Variants in LRRFIP1 observed in about 807,000 individuals in gnomAD.
LRRFIP1 encodes LRR binding FLII interacting protein 1, also known as leucine-rich repeat flightless-interacting protein 1.
In LRRFIP1, 62 loss-of-function variants were observed where a neutral mutation model predicts 104.4. That is an observed-to-expected ratio of 0.59 (90% CI 0.48 to 0.73). The LOEUF is 0.73. LRRFIP1 is among the 30% of genes least tolerant of loss of function. LRRFIP1 has a pLI of 0.00. For missense variants in LRRFIP1, 796 were observed against 824.5 expected, an observed-to-expected ratio of 0.97 and a Z score of 0.42; for synonymous variants, 300 against 299.0, an observed-to-expected ratio of 1.00 and a Z score of -0.03.
At position 237,703,679 on chromosome 2, in the gene LRRFIP1, C is replaced by T. The variant is rs879912092; in HGVS notation, c.97-4865C>T. 2.0e-5 allele frequency among the ~76,000 whole-genome samples: 3 copies of T among 152,082 alleles called. No homozygotes were observed. The highest frequency in any genetic ancestry group is 1.9e-4 in the East Asian group (1 of 5,180). On this transcript the variant is annotated intron_variant, in intron 1 of 23. Coordinates refer to ENST00000308482, the MANE Select transcript of LRRFIP1 (RefSeq NM_001137550.2). The surrounding 1 kb of genome is among the most constrained non-coding windows in gnomAD (Gnocchi z 4.3). ...CAGAGCAGCCCCCGCCCCTGCCACA[C>T]GTTTCTTCCCCCATGTGGTCCTCAT...
intron 14 of LRRFIP1, among the ~76,000 whole-genome samples, chr2:237,752,605 C>CT (rs5839676): frequency 0.27 from 40,347 of 152,062 alleles, 5,603 homozygotes; most frequent in East Asian, 0.53. Context: ...GAAGGTTCTG[C>CT]CTCTCTGTTT....
At chr2:237,687,808 C>T (rs1465226808) in intron 1 of LRRFIP1, among the ~76,000 whole-genome samples, 1 of 152,156 alleles carries the variant, frequency 6.6e-6, no homozygotes, top group Non-Finnish European at 1.5e-5. Flanking sequence ...AGGCTGAGAG[C>T]CACTGTGTCC....
At chr2:237,718,492 C>T (rs926125867) in intron 4 of LRRFIP1, among the ~76,000 whole-genome samples, 1 of 152,184 alleles carries the variant, frequency 6.6e-6, no homozygotes, top group African/African-American at 2.4e-5. Flanking sequence ...AGCAGCGGCA[C>T]CCACATAGGG....
At chr2:237,749,807 A>AT (rs1467871693) in intron 13 of LRRFIP1, among the ~76,000 whole-genome samples, 5 of 151,566 alleles carry the variant, frequency 3.3e-5, no homozygotes, top group African/African-American at 4.9e-5. Context: ...TATTTTAATG[A>AT]TTTTTTTTAT....
intron 1 of LRRFIP1, among the ~76,000 whole-genome samples, chr2:237,683,194 G>A (rs1436705778): frequency 6.6e-6 from 1 of 152,218 alleles, no homozygotes; most frequent in Non-Finnish European, 1.5e-5. Flanking sequence ...TGCCACCAAC[G>A]GGGTGGAGAC....
At chr2:237,650,892 AT>A (rs2085826630) in intron 1 of LRRFIP1, among the ~76,000 whole-genome samples, 1 of 152,118 alleles carries the variant, frequency 6.6e-6, no homozygotes, top group Non-Finnish European at 1.5e-5. Context: ...AGCTGGGTAA[AT>A]GTCGGGTTCT....
chr2:237,764,001 C>A (rs756870817), intron 19 of LRRFIP1: 2 of 1,614,134 alleles, frequency 1.2e-6, no homozygotes, highest in Admixed American at 3.3e-5. Flanking sequence ...GTCAGGAAAG[C>A]TTTAGACAGC....
chr2:237,656,749 C>T (rs1052533253), intron 1 of LRRFIP1, among the ~76,000 whole-genome samples: 1 of 152,180 alleles, frequency 6.6e-6, no homozygotes, highest in African/African-American at 2.4e-5. Flanking sequence ...ATCAGAAGAG[C>T]ATGCATTTTA....
At chr2:237,726,881 G>A (rs2094773443) in intron 7 of LRRFIP1, among the ~76,000 whole-genome samples, 1 of 152,128 alleles carries the variant, frequency 6.6e-6, no homozygotes, top group Non-Finnish European at 1.5e-5. Context: ...GAGAAGAGAG[G>A]GATGATAGGC....
intron 8 of LRRFIP1, among the ~76,000 whole-genome samples, chr2:237,730,358 T>G (rs1468223311): frequency 6.6e-6 from 1 of 152,164 alleles, no homozygotes; most frequent in Non-Finnish European, 1.5e-5. Context: ...ATTTCTAAAT[T>G]GTTTAAGAGC....
chr2:237,772,255 C>G, intron 21 of LRRFIP1, 57 bp downstream of exon 21: 1 of 1,336,718 alleles, frequency 7.5e-7, no homozygotes, highest in African/African-American at 1.4e-5. Flanking sequence ...TTTTAGTATA[C>G]TTGTGCTGGC....
At chr2:237,690,342 T>G (rs2092677943) in intron 1 of LRRFIP1, among the ~76,000 whole-genome samples, 1 of 152,198 alleles carries the variant, frequency 6.6e-6, no homozygotes, top group Non-Finnish European at 1.5e-5. Context: ...TTCTCATCAG[T>G]GAAGTTGTGA....
chr2:237,642,057 G>T (rs949537703), intron 1 of LRRFIP1, among the ~76,000 whole-genome samples: 79 of 152,292 alleles, frequency 5.2e-4, no homozygotes, highest in African/African-American at 1.8e-3. Context: ...TCAGCATTGG[G>T]TGCTGCGGCC....
intron 19 of LRRFIP1, 178 bp from the exon 20 acceptor site, chr2:237,769,765 T>A (rs761582283): frequency 5.1e-6 from 3 of 588,228 alleles, no homozygotes; most frequent in Non-Finnish European, 9.3e-6. Flanking sequence ...TGACCCAACC[T>A]CCTTTGGCTG....
At chr2:237,660,537 C>T (rs1458635973) in intron 1 of LRRFIP1, among the ~76,000 whole-genome samples, 1 of 152,218 alleles carries the variant, frequency 6.6e-6, no homozygotes, top group African/African-American at 2.4e-5. Flanking sequence ...AGCATCTGTC[C>T]ACTTCAAAAG....
chr2:237,720,596 A>G (rs1363118673), intron 5 of LRRFIP1, among the ~76,000 whole-genome samples, 176 bp from the exon 6 acceptor site: 3 of 152,190 alleles, frequency 2.0e-5, no homozygotes, highest in Admixed American at 2.0e-4. Context: ...AGAGATCCAC[A>G]AAGCCCATGC....
At position 237,736,927 on chromosome 2, in the gene LRRFIP1, A is replaced by G. The variant is rs368249944; in HGVS notation, c.555+1594A>G. The stretch of plus-strand genomic sequence containing the variant: ...CTTATGTTTACAGGAGGGCCTTGGG[A>G]GAGAGCCACCCCTGCTCTCGGTCCA... On this transcript the variant is annotated intron_variant, in intron 10 of 23. Coordinates refer to ENST00000308482, the MANE Select transcript of LRRFIP1 (RefSeq NM_001137550.2). Among the ~76,000 whole-genome samples the G allele has an allele frequency of 1.9e-3, 291 of 152,292 alleles. 2 individuals carry two copies. Among genetic ancestry groups the G allele is most frequent in the African/African-American group, 6.7e-3 (278 of 41,546 alleles).
chr2:237,678,875 T>C (rs80210327), intron 1 of LRRFIP1, among the ~76,000 whole-genome samples: 1,809 of 152,312 alleles, frequency 0.012, 27 homozygotes, highest in East Asian at 0.047. Flanking sequence ...TCTCTAGTAT[T>C]GTATTTACTT....
At chr2:237,767,234 T>C (rs2060302456) in intron 19 of LRRFIP1, among the ~76,000 whole-genome samples, 1 of 152,004 alleles carries the variant, frequency 6.6e-6, no homozygotes, top group Non-Finnish European at 1.5e-5. Flanking sequence ...TATAAGAAGG[T>C]ATAGAAATAT....
Sources: gnomAD v4.1 joint callset for allele counts (sites outside exome capture counted in the v4.1 genomes callset) on GRCh38, gnomAD v4.1.1 for gene constraint, Gnocchi (gnomAD v3.1) non-coding constraint, MANE v1.5 for transcripts, NCBI Gene and HGNC (gene_info 2026-07-23, HGNC 2026-07-21) for gene names.